Variants in NPAS3 observed in about 807,000 individuals in gnomAD.
NPAS3 encodes neuronal PAS domain-containing protein 3.
NPAS3 carries 14 observed loss-of-function variants against 73.1 expected under a neutral mutation model. The ratio of observed to expected loss-of-function variants is 0.19; its 90% CI spans 0.13 to 0.30. NPAS3 has a LOEUF of 0.30. Ranked by LOEUF, NPAS3 falls within the 10% of genes least tolerant of loss-of-function variation. The pLI is 1.00. For missense variants in NPAS3, 1,096 were observed against 1,250.0 expected (o/e 0.88, Z 1.86); for synonymous variants, 620 against 541.5 (o/e 1.14, Z -2.01).
chr14:33,100,482 G>A lies in NPAS3; in HGVS notation c.140+44488G>A, dbSNP rs181168315. Among the ~76,000 whole-genome samples the A allele has an allele frequency of 1.8e-3, 269 of 152,188 alleles. 1 individual carries two copies. The highest frequency in any genetic ancestry group is 6.1e-3 in the African/African-American group (252 of 41,538). On this transcript the variant is annotated intron_variant, in intron 2 of 11. Transcript: ENST00000356141. ...CTATTGCTTCATTCATAATAGAAAA[G>A]CCTACTTAGACATTTGTAGCTACAT...
chr14:32,936,528 T>G (rs1401074444), upstream of NPAS3, among the ~76,000 whole-genome samples: 1 of 152,182 alleles, frequency 6.6e-6, no homozygotes, highest in Non-Finnish European at 1.5e-5. Context: ...ATACAACATT[T>G]AAATGACAAT....
chr14:33,722,903 A>G (rs1299129144), intron 6 of NPAS3, among the ~76,000 whole-genome samples: 1 of 152,178 alleles, frequency 6.6e-6, no homozygotes, highest in Non-Finnish European at 1.5e-5. Context: ...ATTGAGCCAT[A>G]ATAAAACCAA....
rs2063436691 is a variant in NPAS3 at position 33,793,858 on chromosome 14, G to T, written c.1154-39G>T. On this transcript the variant is annotated intron_variant, in intron 9 of 11. Coordinates refer to ENST00000356141, the Ensembl canonical transcript of NPAS3. ...AAAAAAAAAAAGTTATTTGATCCCA[G>T]TCTTAATACAATGCCTCTGTTTTGT... The T allele has an allele frequency of 5.7e-6, 9 of 1,582,836 alleles. No homozygotes were observed. In the South Asian group the frequency reaches 9.3e-5, roughly 16 times the overall value.
rs1311685511 is a variant in NPAS3 at position 33,037,705 on chromosome 14, A to G, written c.51-18200A>G. On this transcript the variant is annotated intron_variant, in intron 1 of 11. Transcript: ENST00000356141. Reference sequence around the variant, plus strand: ...AAGATTCTCAAATAAATACATTTCCAATAACAAATGTTTTCATGAAAAGCC... The same window carrying G: ...AAGATTCTCAAATAAATACATTTCCGATAACAAATGTTTTCATGAAAAGCC... Among the ~76,000 whole-genome samples, 4 of 152,106 alleles carry G rather than the reference A, an allele frequency of 2.6e-5. No homozygotes were observed. The East Asian group carries it at 7.7e-4, about 29-fold the overall frequency.
At chr14:33,432,556 A>G (rs1239183783) in intron 4 of NPAS3, among the ~76,000 whole-genome samples, 2 of 152,158 alleles carry the variant, frequency 1.3e-5, no homozygotes, top group Non-Finnish European at 2.9e-5. Flanking sequence ...TGTTGACTCC[A>G]CTTTGAACAG....
chr14:33,540,201 T>C (rs1409202339), intron 4 of NPAS3, among the ~76,000 whole-genome samples: 1 of 152,252 alleles, frequency 6.6e-6, no homozygotes, highest in Admixed American at 6.5e-5. Flanking sequence ...AATTTTTTCA[T>C]TTCCTTTCTC....
intron 3 of NPAS3, among the ~76,000 whole-genome samples, chr14:33,245,236 G>A (rs1388165849): frequency 3.9e-5 from 6 of 152,168 alleles, no homozygotes; most frequent in Non-Finnish European, 7.4e-5. Context: ...CTGTTAGACA[G>A]TTGTGATGAT....
chr14:33,785,401 C>A (rs542892791), intron 9 of NPAS3, among the ~76,000 whole-genome samples: 61 of 146,186 alleles, frequency 4.2e-4, no homozygotes, highest in Non-Finnish European at 7.7e-4. Flanking sequence ...TGCCACTGCA[C>A]TCCAGCCTGG....
chr14:33,674,737 G>A (rs550650295), intron 5 of NPAS3, among the ~76,000 whole-genome samples: 4 of 152,280 alleles, frequency 2.6e-5, no homozygotes, highest in South Asian at 4.2e-4. Context: ...TAAAAGTTAC[G>A]CGAGCCTTTT....
At chr14:33,606,280 G>A (rs894739043) in intron 5 of NPAS3, among the ~76,000 whole-genome samples, 4 of 133,120 alleles carry the variant, frequency 3.0e-5, no homozygotes, top group Admixed American at 9.3e-5. Flanking sequence ...GTGTCCATGT[G>A]TTCTCATTGT....
intron 4 of NPAS3, among the ~76,000 whole-genome samples, chr14:33,450,454 C>T (rs970654505): frequency 4.6e-5 from 7 of 152,112 alleles, no homozygotes; most frequent in African/African-American, 1.7e-4. Context: ...TGTCTAGTCT[C>T]CCAAACTATT....
At chr14:33,789,798 C>A (rs2063301567) in intron 9 of NPAS3, among the ~76,000 whole-genome samples, 1 of 151,092 alleles carries the variant, frequency 6.6e-6, no homozygotes, top group South Asian at 2.1e-4. Flanking sequence ...ACCGTTTTAG[C>A]CGGGATGGTC....
chr14:33,064,588 C>CA (rs2041217965), intron 2 of NPAS3, among the ~76,000 whole-genome samples: 1 of 151,872 alleles, frequency 6.6e-6, no homozygotes. Flanking sequence ...GAGTGGTGGG[C>CA]GGGGAGGGGG....
At chr14:33,221,506 A>C (rs990721742) in intron 3 of NPAS3, among the ~76,000 whole-genome samples, 7 of 152,124 alleles carry the variant, frequency 4.6e-5, no homozygotes, top group Admixed American at 2.6e-4. Flanking sequence ...TCGTGCCTAT[A>C]ATCCCAGAAC....
chr14:33,257,926 G>A (rs2048837318), intron 3 of NPAS3, among the ~76,000 whole-genome samples: 1 of 152,006 alleles, frequency 6.6e-6, no homozygotes, highest in Non-Finnish European at 1.5e-5. Context: ...TTCACTTTTG[G>A]GTGGTATGAT....
intron 3 of NPAS3, among the ~76,000 whole-genome samples, chr14:33,351,824 A>C (rs1413241878): frequency 6.6e-6 from 1 of 152,112 alleles, no homozygotes; most frequent in East Asian, 1.9e-4. Context: ...GCATGTTCTC[A>C]CTCATAAGTG....
At chr14:33,312,877 G>A (rs533246552) in intron 3 of NPAS3, among the ~76,000 whole-genome samples, 2 of 152,142 alleles carry the variant, frequency 1.3e-5, no homozygotes, top group East Asian at 3.9e-4. Flanking sequence ...TTAACTCATA[G>A]ACATTTGAGG....
At chr14:33,586,256 T>C (rs1003895473) in intron 5 of NPAS3, among the ~76,000 whole-genome samples, 1 of 151,606 alleles carries the variant, frequency 6.6e-6, no homozygotes, top group African/African-American at 2.4e-5. Flanking sequence ...ATTGACTGTT[T>C]CATAGCATAA....
At chr14:33,339,366 C>G (rs1232696864) in intron 3 of NPAS3, among the ~76,000 whole-genome samples, 1 of 152,086 alleles carries the variant, frequency 6.6e-6, no homozygotes, top group African/African-American at 2.4e-5. Context: ...GGGCAAAGCA[C>G]AGTACAGCAG....
Sources: gnomAD v4.1 joint callset for allele counts (sites outside exome capture counted in the v4.1 genomes callset) on GRCh38, gnomAD v4.1.1 for gene constraint, MANE v1.5 for transcripts, NCBI Gene and HGNC (gene_info 2026-07-23, HGNC 2026-07-21) for gene names.